Variants in NDNF observed in about 807,000 individuals in gnomAD.
The protein encoded by NDNF is neuron derived neurotrophic factor.
Under a neutral mutation model 42.0 loss-of-function variants are expected in NDNF, and 16 were observed. The ratio of observed to expected loss-of-function variants is 0.38; its 90% CI spans 0.26 to 0.58. The LOEUF is 0.58. NDNF is among the 20% of genes least tolerant of loss of function. The probability of loss-of-function intolerance (pLI) is 0.67; values close to 1 mark genes in which losing one functional copy is unlikely to be tolerated. For synonymous variants in NDNF, 248 were observed against 251.7 expected (o/e 0.99, Z 0.14); for missense variants, 616 against 666.2 (o/e 0.92, Z 0.83).
At chr4:121,041,352 C>T (rs1281223116) in intron 2 of NDNF, among the ~76,000 whole-genome samples, 2 of 152,140 alleles carry the variant, frequency 1.3e-5, no homozygotes, top group Non-Finnish European at 2.9e-5. Context: ...ATTGAACCTC[C>T]TGGATATCTC....
chr4:121,043,768 A>G (rs917779265), intron 2 of NDNF, among the ~76,000 whole-genome samples: 84 of 152,196 alleles, frequency 5.5e-4, no homozygotes, highest in African/African-American at 1.8e-3. Flanking sequence ...GCCCAAGTGC[A>G]TTTGGGAAAT....
At position 121,036,512 on chromosome 4, in the gene NDNF, C is replaced by T. The variant is rs768280639; in HGVS notation, c.1459G>A (p.Asp487Asn). ...KFCIYKKEVDDNYNEDQKKRE... is the reference protein window; with the variant it reads ...KFCIYKKEVDNNYNEDQKKRE... ...TTCTTCTGGTCTTCATTGTAGTTATCATCCACTTCTTTTTTGTAGATGCAA... is the reference window on the plus strand; with the variant it reads ...TTCTTCTGGTCTTCATTGTAGTTATTATCCACTTCTTTTTTGTAGATGCAA... Residue 487 changes from aspartate to asparagine, a missense_variant, in exon 4 of 4, where the codon GAT (aspartate) becomes AAT (asparagine). Physicochemically the swap from Asp to Asn is conservative, Grantham distance 23. Transcript: ENST00000379692. 3.8e-5 allele frequency: 61 copies of T among 1,614,020 alleles called. 1 individual carries two copies. The Admixed American group carries it at 7.3e-4, about 19-fold the overall frequency.
At position 121,039,975 on chromosome 4, in the gene NDNF, G is replaced by C; in HGVS notation, c.268C>G (p.Leu90Val). 1 of 1,614,054 alleles carries C rather than the reference G, an allele frequency of 6.2e-7. No homozygotes were observed. The highest frequency in any genetic ancestry group is 8.5e-7 in the Non-Finnish European group (1 of 1,179,982). The change falls in exon 3 of 4, where the codon CTG becomes GTG. Residue 90 changes from leucine (L) to valine (V), a missense_variant. Transcript: ENST00000379692. ...TCCTCTGGCAGCTCCTGGAGGCTCA[G>C]CTTCCACTCCAAAGGCGCATCACAG... ...TPCDAPLEWKLSLQELPEDRS... is the reference protein window; with the variant it reads ...TPCDAPLEWKVSLQELPEDRS...
chr4:121,036,998 T>A lies in NDNF; in HGVS notation c.973A>T (p.Thr325Ser). 1 of 1,614,000 alleles carries A rather than the reference T, an allele frequency of 6.2e-7. No homozygotes were observed. The highest frequency in any genetic ancestry group is 2.2e-5 in the East Asian group (1 of 44,862). The change falls in exon 4 of 4, where the codon ACC (threonine) becomes TCC (serine). Residue 325 changes from threonine to serine, a missense_variant. Physicochemically the swap from Thr to Ser is moderately conservative, Grantham distance 58. Transcript: ENST00000379692. Reference sequence around the variant, plus strand: ...CTGGCAAAGGTACCTACATAAGCGGTGCTCATGTTGCTGTTGATGTTGACC... The same window carrying A: ...CTGGCAAAGGTACCTACATAAGCGGAGCTCATGTTGCTGTTGATGTTGACC... The part of the protein sequence containing the change: ...FVVNINSNMS[T>S]AYVGTFARTK...
intron 1 of NDNF, among the ~76,000 whole-genome samples, chr4:121,046,194 C>T (rs893307138): frequency 2.6e-5 from 4 of 152,068 alleles, no homozygotes; most frequent in Non-Finnish European, 4.4e-5. Context: ...AAAGCTTGCA[C>T]GAAAATAATC....
Position 121,062,749 on chromosome 4 carries a change from G to C in NDNF, c.-2+9244C>G, listed in dbSNP as rs145169205. Reference sequence around the variant, plus strand: ...TTATTTTTTTAAGGGAAGCACTAAGGAAAAGGCTGCAGCTGGTGAGTGTCG... The same window carrying C: ...TTATTTTTTTAAGGGAAGCACTAAGCAAAAGGCTGCAGCTGGTGAGTGTCG... On this transcript the variant is annotated intron_variant, in intron 1 of 3. Transcript: ENST00000379692. Among the ~76,000 whole-genome samples the C allele has an allele frequency of 2.9e-3, 439 of 152,044 alleles. 10 individuals are homozygous for C. The East Asian group carries it at 0.067, about 23-fold the overall frequency.
intron 1 of NDNF, among the ~76,000 whole-genome samples, chr4:121,063,709 T>TG (rs761771784): frequency 6.6e-6 from 1 of 152,068 alleles, no homozygotes; most frequent in Non-Finnish European, 1.5e-5. Flanking sequence ...GGGGGGGCCA[T>TG]GGGAGGTTTA....
rs1236884320 is a variant in NDNF, at chr4:121,063,481, G to A, written c.-2+8512C>T. On this transcript the variant is annotated intron_variant, in intron 1 of 3. Transcript: ENST00000379692. ...CACACACACACACAGAGTGAGAGAG[G>A]AGAAATCAAACTCAACAAATAGCAT... 2.6e-5 allele frequency among the ~76,000 whole-genome samples: 4 copies of A among 152,116 alleles called. No homozygotes were observed. In the East Asian group the frequency reaches 7.7e-4, roughly 29 times the overall value.
At chr4:121,044,250 A>C (rs559582396) in intron 2 of NDNF, among the ~76,000 whole-genome samples, 2 of 152,312 alleles carry the variant, frequency 1.3e-5, no homozygotes, top group South Asian at 4.1e-4. Context: ...ACCATCTTCC[A>C]TGATTACTGT....
intron 1 of NDNF, among the ~76,000 whole-genome samples, chr4:121,049,456 G>T (rs1204126208): frequency 6.6e-6 from 1 of 152,180 alleles, no homozygotes; most frequent in Admixed American, 6.5e-5. Context: ...GGAAGTGGGG[G>T]TCAGGGAGCC....
chr4:121,044,332 G>T (rs1437670371), intron 2 of NDNF, among the ~76,000 whole-genome samples: 1 of 152,122 alleles, frequency 6.6e-6, no homozygotes, highest in Non-Finnish European at 1.5e-5. Context: ...TTGATGTTCT[G>T]AAACAGTTTA....
Position 121,035,703 on chromosome 4 carries a change from T to C in NDNF, c.*561A>G, listed in dbSNP as rs1382006872. 1 of 152,558 alleles carries C rather than the reference T, an allele frequency of 6.6e-6. No individual in the cohort carries two copies. Among genetic ancestry groups the C allele is most frequent in the Admixed American group, 6.6e-5 (1 of 15,260 alleles). The allele number at this position is 152,558 out of a possible 1,614,324, so 9.5% of individuals were successfully genotyped here. ...GTCAACTTTGTACATGAGATACATA[T>C]AGTATTTAAACATTTTACTCAACAA... On this transcript the variant is annotated 3_prime_UTR_variant, in exon 4 of 4. Transcript: ENST00000379692.
At chr4:121,059,362 T>C (rs890957665) in intron 1 of NDNF, among the ~76,000 whole-genome samples, 4 of 152,206 alleles carry the variant, frequency 2.6e-5, no homozygotes, top group African/African-American at 4.8e-5. Context: ...TTGTTGCTGA[T>C]GTGTAGAATT....
intron 1 of NDNF, 111 bp from the exon 2 acceptor site, chr4:121,045,949 G>T: frequency 1.0e-6 from 1 of 986,294 alleles, no homozygotes; most frequent in Non-Finnish European, 1.4e-6. Context: ...ATTTAGGGAC[G>T]CATCATGTAT....
intron 1 of NDNF, among the ~76,000 whole-genome samples, chr4:121,049,783 A>C (rs1727157911): frequency 6.6e-6 from 1 of 152,214 alleles, no homozygotes; most frequent in Non-Finnish European, 1.5e-5. Context: ...TCCCAAACTA[A>C]AATTCCATCA....
At chr4:121,054,713 G>C (rs1727254568) in intron 1 of NDNF, among the ~76,000 whole-genome samples, 1 of 152,244 alleles carries the variant, frequency 6.6e-6, no homozygotes, top group Non-Finnish European at 1.5e-5. Flanking sequence ...AAAAGGAAAG[G>C]ACATCACTGT....
chr4:121,070,532 T>C (rs569965269), intron 1 of NDNF, among the ~76,000 whole-genome samples: 70 of 150,918 alleles, frequency 4.6e-4, no homozygotes, highest in Admixed American at 3.6e-3. Context: ...ATTCCCTCCG[T>C]CAGAAAAGAA....
rs765471149 is a variant in NDNF at position 121,037,401 on chromosome 4, G to C, written c.570C>G (p.Thr190=). ...TTGGTTTCCAGGCCAAAGTGACCGT[G>C]GTGCGCCCCAGTGAGGTCACATCTA... The part of the protein sequence containing the change: ...PRVDVTSLGR[T]TVTLAWKPSP... The change falls in exon 4 of 4, where the codon ACC becomes ACG. Residue 190 remains threonine, a synonymous_variant. Coordinates refer to ENST00000379692, the MANE Select transcript of NDNF (RefSeq NM_024574.4). The C allele has an allele frequency of 9.3e-6, 15 of 1,613,986 alleles. No homozygotes were observed. The highest frequency in any genetic ancestry group is 1.3e-5 in the Non-Finnish European group (15 of 1,180,038).
chr4:121,037,452 G>A lies in NDNF; in HGVS notation c.519C>T (p.Tyr173=), dbSNP rs771671075. The change falls in exon 4 of 4, where the codon TAC becomes TAT. Residue 173 remains tyrosine (Y), a synonymous_variant. Transcript: ENST00000379692. The part of the protein sequence containing the change: ...ATTTPESDQP[Y]PELPYDPRVD... ...CTCTTGGGTCATAGGGTAACTCAGGGTATGGCTGATCAGATTCTGGAGTTG... is the reference window on the plus strand; with the variant it reads ...CTCTTGGGTCATAGGGTAACTCAGGATATGGCTGATCAGATTCTGGAGTTG... 5 of 1,613,996 alleles carry A rather than the reference G, an allele frequency of 3.1e-6. No homozygotes were observed. The highest frequency in any genetic ancestry group is 1.3e-5 in the African/African-American group (1 of 74,906).
Sources: gnomAD v4.1 joint callset for allele counts (sites outside exome capture counted in the v4.1 genomes callset) on GRCh38, gnomAD v4.1.1 for gene constraint, MANE v1.5 for transcripts, NCBI Gene and HGNC (gene_info 2026-07-23, HGNC 2026-07-21) for gene names.